GNG7: variants seen among roughly 807,000 people sequenced by gnomAD.
GNG7 encodes G protein subunit gamma 7.
Under a neutral mutation model 4.0 loss-of-function variants are expected in GNG7, and 1 was observed. The observed-to-expected ratio is 0.25, with a 90% CI of 0.09 to 1.18. The LOEUF (loss-of-function observed/expected upper bound fraction) is 1.18. Among genes scored for constraint, GNG7 ranks in the 50% most tolerant of loss-of-function variants. GNG7 has a pLI of 0.50. For missense variants in GNG7, 86 were observed against 91.9 expected (o/e 0.94, Z 0.26); for synonymous variants, 34 against 36.9 (o/e 0.92, Z 0.29).
intron 3 of GNG7, among the ~76,000 whole-genome samples, chr19:2,529,456 G>C (rs1340831306): frequency 6.6e-6 from 1 of 152,064 alleles, no homozygotes; most frequent in Non-Finnish European, 1.5e-5. Flanking sequence ...GACCTCAGGT[G>C]ATCCACCTGC....
At chr19:2,675,770 G>A (rs28433438) in intron 1 of GNG7, among the ~76,000 whole-genome samples, 11,085 of 152,178 alleles carry the variant, frequency 0.073, 474 homozygotes, top group Middle Eastern at 0.18. Context: ...TGGAGGCCAG[G>A]GACACTGCTC....
intron 1 of GNG7, among the ~76,000 whole-genome samples, chr19:2,682,143 AGG>A (rs1983753578): frequency 6.6e-6 from 1 of 151,382 alleles, no homozygotes; most frequent in Admixed American, 6.6e-5. Context: ...TCCTCACCTC[AGG>A]TGATCCACCC....
chr19:2,589,904 C>A (rs541788119), intron 2 of GNG7, among the ~76,000 whole-genome samples: 6 of 152,080 alleles, frequency 3.9e-5, no homozygotes, highest in African/African-American at 1.4e-4. Flanking sequence ...CTCCACCTCC[C>A]GGGTTCAAGC....
chr19:2,655,492 C>A (rs988848448), intron 1 of GNG7, among the ~76,000 whole-genome samples: 1 of 151,866 alleles, frequency 6.6e-6, no homozygotes, highest in Non-Finnish European at 1.5e-5. Flanking sequence ...GCAGGCAGAT[C>A]ACGAGTTCGA....
At chr19:2,683,186 C>G (rs1321445656) in intron 1 of GNG7, among the ~76,000 whole-genome samples, 1 of 151,948 alleles carries the variant, frequency 6.6e-6, no homozygotes, top group African/African-American at 2.4e-5. Context: ...TTGCAGTGAG[C>G]CGAGATTGTG....
intron 2 of GNG7, among the ~76,000 whole-genome samples, chr19:2,572,219 G>A (rs961963528): frequency 6.6e-6 from 1 of 151,302 alleles, no homozygotes; most frequent in African/African-American, 2.4e-5. Flanking sequence ...GGGTCTTGCT[G>A]TGTTGCCCAG....
intron 2 of GNG7, among the ~76,000 whole-genome samples, chr19:2,580,229 CCTCT>C (rs993802412): frequency 6.6e-6 from 1 of 152,124 alleles, no homozygotes; most frequent in Non-Finnish European, 1.5e-5. Flanking sequence ...CCCCTTCATG[CCTCT>C]CTGTCTAAGG....
At chr19:2,604,492 A>AAAGG (rs1226926268) in intron 2 of GNG7, among the ~76,000 whole-genome samples, 2 of 131,374 alleles carry the variant, frequency 1.5e-5, no homozygotes, top group Non-Finnish European at 3.2e-5. Flanking sequence ...AAAATGAATG[A>AAAGG]AAGGAAGGAA....
At chr19:2,598,372 A>C (rs1324146860) in intron 2 of GNG7, among the ~76,000 whole-genome samples, 1 of 151,344 alleles carries the variant, frequency 6.6e-6, no homozygotes, top group Non-Finnish European at 1.5e-5. Flanking sequence ...GAAAATACAG[A>C]ATTGGCCGGG....
intron 2 of GNG7, among the ~76,000 whole-genome samples, chr19:2,574,279 C>T (rs1980241326): frequency 6.6e-6 from 1 of 152,178 alleles, no homozygotes; most frequent in South Asian, 2.1e-4. Context: ...CTTCCTCTCC[C>T]TCTCTCTTTT....
chr19:2,522,044 A>T (rs957129525), intron 3 of GNG7, among the ~76,000 whole-genome samples: 9 of 152,042 alleles, frequency 5.9e-5, no homozygotes, highest in Non-Finnish European at 1.0e-4. Flanking sequence ...GAATCCCCAG[A>T]TCTCATCTGG....
rs1447916535 is a variant in GNG7, at chr19:2,512,435, G to A, written c.*2587C>T. On this transcript the variant is annotated 3_prime_UTR_variant, in exon 5 of 5. Coordinates refer to ENST00000382159, the MANE Select transcript of GNG7 (RefSeq NM_052847.3). The surrounding 1 kb of genome is among the most constrained non-coding windows in gnomAD (Gnocchi z 4.7). ...GGCTTCTGGCAATGGCCACCTCCCT[G>A]GGGTCCGGGAGATGGTGGGGTCTGG... The A allele has an allele frequency of 1.1e-6, 1 of 918,536 alleles. No homozygotes were observed. The highest frequency in any genetic ancestry group is 1.3e-6 in the Non-Finnish European group (1 of 769,256). The allele number at this position is 918,536 out of a possible 1,614,324, so 56.9% of individuals were successfully genotyped here. A position where few individuals can be genotyped will look rare whatever the true frequency, so the allele number is the denominator to read the frequency against.
intron 2 of GNG7, among the ~76,000 whole-genome samples, chr19:2,571,597 T>TTTTTTG (rs1980150080): frequency 7.4e-6 from 1 of 134,356 alleles, no homozygotes; most frequent in Non-Finnish European, 1.6e-5. Flanking sequence ...CCTTTTTTTT[T>TTTTTTG]TTTTTTTTTT....
At chr19:2,519,977 C>T (rs983448522) in intron 4 of GNG7, among the ~76,000 whole-genome samples, 3 of 152,054 alleles carry the variant, frequency 2.0e-5, no homozygotes, top group Admixed American at 1.3e-4. Flanking sequence ...GTTAGGAGTT[C>T]AAGACCAGCC....
intron 2 of GNG7, among the ~76,000 whole-genome samples, chr19:2,602,922 T>TTTC (rs1491446709): frequency 1.3e-5 from 2 of 149,222 alleles, no homozygotes; most frequent in African/African-American, 5.0e-5. Context: ...TCTTTCTTTC[T>TTTC]TTTTGTTTCT....
intron 1 of GNG7, among the ~76,000 whole-genome samples, chr19:2,671,340 C>A (rs569778752): frequency 6.6e-6 from 1 of 152,098 alleles, no homozygotes; most frequent in Non-Finnish European, 1.5e-5. Flanking sequence ...ACCCCGGATC[C>A]CCCTGGACAC....
intron 4 of GNG7, among the ~76,000 whole-genome samples, chr19:2,518,039 C>T (rs1021553192): frequency 6.6e-6 from 1 of 152,216 alleles, no homozygotes; most frequent in Non-Finnish European, 1.5e-5. Flanking sequence ...TCCTGGACGA[C>T]AGAAATAGCC....
intron 1 of GNG7, among the ~76,000 whole-genome samples, chr19:2,686,101 G>A (rs1983863266): frequency 6.6e-6 from 1 of 152,066 alleles, no homozygotes. Flanking sequence ...CAGAGGCCAG[G>A]GGGCAGAAAG....
At position 2,596,484 on chromosome 19, in the gene GNG7, T is replaced by A. The variant is rs146031079; in HGVS notation, c.-77-41296A>T. On this transcript the variant is annotated intron_variant, in intron 2 of 4. Coordinates refer to ENST00000382159, the MANE Select transcript of GNG7 (RefSeq NM_052847.3). Reference sequence around the variant, plus strand: ...GAGTTTCAGACCAGCCTGGGTAACATAGTGAGACCCCGTCTCAATTAAAAT... The same window carrying A: ...GAGTTTCAGACCAGCCTGGGTAACAAAGTGAGACCCCGTCTCAATTAAAAT... 7.9e-3 allele frequency among the ~76,000 whole-genome samples: 1,202 copies of A among 151,866 alleles called. 12 individuals are homozygous for A. The highest frequency in any genetic ancestry group is 0.027 in the African/African-American group (1,134 of 41,404).
Sources: allele counts gnomAD v4.1 joint callset (sites outside exome capture counted in the v4.1 genomes callset), GRCh38; gene constraint gnomAD v4.1.1; non-coding constraint Gnocchi (gnomAD v3.1); transcripts MANE v1.5; gene names NCBI Gene and HGNC (gene_info 2026-07-23, HGNC 2026-07-21).